Variants in GFOD1 observed in about 807,000 individuals in gnomAD.
GFOD1 encodes Gfo/Idh/MocA-like oxidoreductase domain containing 1, also known as glucose-fructose oxidoreductase domain-containing protein 1.
A neutral mutation model predicts 25.4 loss-of-function variants in GFOD1; 9 were observed. The observed-to-expected ratio is 0.35, with a 90% CI of 0.21 to 0.62. The LOEUF (loss-of-function observed/expected upper bound fraction) is 0.62. Among genes scored for constraint, GFOD1 ranks in the 20% least tolerant of loss-of-function variants. GFOD1 has a pLI of 0.72. For synonymous variants in GFOD1, 253 were observed against 245.6 expected (o/e 1.03, Z -0.28); for missense variants, 403 against 556.9 (o/e 0.72, Z 2.78).
rs76480244 is a variant in GFOD1, at chr6:13,360,081, T to C, written c.*4662A>G. On this transcript the variant is annotated 3_prime_UTR_variant, in exon 2 of 2. Coordinates refer to ENST00000379287, the MANE Select transcript of GFOD1 (RefSeq NM_018988.4). ...AGTCACTTCATCTCTCTGAGCCTCC[T>C]TTCCCTAGAGCTCTGGAGGTGCTAT... 1,003 of 152,880 alleles carry C rather than the reference T, an allele frequency of 6.6e-3. 11 individuals are homozygous for C. Among genetic ancestry groups the C allele is most frequent in the East Asian group, 0.028 (143 of 5,194 alleles). 9.5% of individuals were successfully genotyped at this position (152,880 alleles called of 1,614,324 possible). A position where few individuals can be genotyped will look rare whatever the true frequency, so the allele number is the denominator to read the frequency against.
At position 13,361,084 on chromosome 6, in the gene GFOD1, T is replaced by G. The variant is rs989268859; in HGVS notation, c.*3659A>C. 4 of 350,976 alleles carry G rather than the reference T, an allele frequency of 1.1e-5. No homozygotes were observed. The highest frequency in any genetic ancestry group is 2.1e-5 in the African/African-American group (1 of 46,612). 21.7% of individuals were successfully genotyped at this position (350,976 alleles called of 1,614,324 possible). Reference sequence around the variant, plus strand: ...CATACTTAAAATACTCTGCACACAGTGGACAAGTCTTGGAGTTGGCCAGTC... The same window carrying G: ...CATACTTAAAATACTCTGCACACAGGGGACAAGTCTTGGAGTTGGCCAGTC... On this transcript the variant is annotated 3_prime_UTR_variant, in exon 2 of 2. Coordinates refer to ENST00000379287, the MANE Select transcript of GFOD1 (RefSeq NM_018988.4).
Position 13,361,048 on chromosome 6 carries a change from G to A in GFOD1, c.*3695C>T. On this transcript the variant is annotated 3_prime_UTR_variant, in exon 2 of 2. Transcript: ENST00000379287. Reference sequence around the variant, plus strand: ...CACTATAGGGTTGTTTTTATGGATTGTATGAGATAACATACTTAAAATACT... The same window carrying A: ...CACTATAGGGTTGTTTTTATGGATTATATGAGATAACATACTTAAAATACT... 1 of 358,824 alleles carries A rather than the reference G, an allele frequency of 2.8e-6. No individual in the cohort carries two copies. Among genetic ancestry groups the A allele is most frequent in the South Asian group, 2.1e-5 (1 of 48,458 alleles). 22.2% of individuals were successfully genotyped at this position (358,824 alleles called of 1,614,324 possible).
rs1000763031 is a variant in GFOD1, at chr6:13,360,129, A to C, written c.*4614T>G. 1 of 154,812 alleles carries C rather than the reference A, an allele frequency of 6.5e-6. No homozygotes were observed. The highest frequency in any genetic ancestry group is 6.3e-5 in the Admixed American group (1 of 15,752). The allele number at this position is 154,812 out of a possible 1,614,324, so 9.6% of individuals were successfully genotyped here. A position where few individuals can be genotyped will look rare whatever the true frequency, so the allele number is the denominator to read the frequency against. On this transcript the variant is annotated 3_prime_UTR_variant, in exon 2 of 2. Transcript: ENST00000379287. Reference sequence around the variant, plus strand: ...TATGTGAGGCAGCATGAGACTTAAGAGGCAGAAAACCTGACTTTTTGTCCT... The same window carrying C: ...TATGTGAGGCAGCATGAGACTTAAGCGGCAGAAAACCTGACTTTTTGTCCT...
At position 13,399,861 on chromosome 6, in the gene GFOD1, T is replaced by C. The variant is rs142764339; in HGVS notation, c.254-34199A>G. 3.3e-5 allele frequency among the ~76,000 whole-genome samples: 5 copies of C among 152,342 alleles called. No individual in the cohort carries two copies. In the East Asian group the frequency reaches 9.6e-4, roughly 29 times the overall value. ...ACATTTACCAAAACTCACAAAGCTA[T>C]ACATTTAAAATAGGTACATTTTATT... On this transcript the variant is annotated intron_variant, in intron 1 of 1. Transcript: ENST00000379287.
At chr6:13,368,603 C>T (rs955163936) in intron 1 of GFOD1, among the ~76,000 whole-genome samples, 2 of 152,180 alleles carry the variant, frequency 1.3e-5, no homozygotes, top group African/African-American at 4.8e-5. Flanking sequence ...GCCTCTACTA[C>T]ACCCTATTTC....
chr6:13,475,590 T>G (rs1205929244), intron 1 of GFOD1, among the ~76,000 whole-genome samples: 1 of 150,234 alleles, frequency 6.7e-6, no homozygotes, highest in South Asian at 2.1e-4. Context: ...TGGTGACGGA[T>G]GCCTGTAATC....
chr6:13,373,090 C>T (rs1307775361), intron 1 of GFOD1, among the ~76,000 whole-genome samples: 1 of 152,178 alleles, frequency 6.6e-6, no homozygotes, highest in Non-Finnish European at 1.5e-5. Flanking sequence ...CATTTCTGTG[C>T]TAGGCACTGG....
intron 1 of GFOD1, among the ~76,000 whole-genome samples, chr6:13,372,219 G>C (rs1052791931): frequency 6.6e-6 from 1 of 152,238 alleles, no homozygotes; most frequent in Non-Finnish European, 1.5e-5. Context: ...TGACGGGTTA[G>C]AGTGCTATGT....
Position 13,361,075 on chromosome 6 carries a change from T to C in GFOD1, c.*3668A>G, listed in dbSNP as rs1373545859. The stretch of plus-strand genomic sequence containing the variant: ...ATGAGATAACATACTTAAAATACTC[T>C]GCACACAGTGGACAAGTCTTGGAGT... On this transcript the variant is annotated 3_prime_UTR_variant, in exon 2 of 2. Transcript: ENST00000379287. 27 of 353,196 alleles carry C rather than the reference T, an allele frequency of 7.6e-5. No homozygotes were observed. The highest frequency in any genetic ancestry group is 1.3e-4 in the Non-Finnish European group (23 of 178,270). The allele number at this position is 353,196 out of a possible 1,614,324, so 21.9% of individuals were successfully genotyped here. A position where few individuals can be genotyped will look rare whatever the true frequency, so the allele number is the denominator to read the frequency against.
intron 1 of GFOD1, among the ~76,000 whole-genome samples, chr6:13,413,204 C>T (rs1278177430): frequency 1.3e-5 from 2 of 152,200 alleles, no homozygotes; most frequent in African/African-American, 4.8e-5. Context: ...GCCCACAGGG[C>T]CTTGACCCTT....
intron 1 of GFOD1, among the ~76,000 whole-genome samples, chr6:13,475,745 A>T (rs1194706313): frequency 2.1e-5 from 3 of 142,386 alleles, no homozygotes; most frequent in African/African-American, 8.2e-5. Context: ...AATAATAATA[A>T]TAATAATAAT....
At chr6:13,436,826 C>T (rs1277904721) in intron 1 of GFOD1, among the ~76,000 whole-genome samples, 3 of 152,180 alleles carry the variant, frequency 2.0e-5, no homozygotes, top group Admixed American at 2.0e-4. Flanking sequence ...TCGGATTACT[C>T]CTATAAAAGG....
intron 1 of GFOD1, among the ~76,000 whole-genome samples, chr6:13,482,657 A>T (rs1230443240): frequency 6.6e-6 from 1 of 152,168 alleles, no homozygotes; most frequent in East Asian, 1.9e-4. Context: ...CTGAAGCAGG[A>T]GAATCACTTG....
At chr6:13,452,001 G>A (rs58453010) in intron 1 of GFOD1, among the ~76,000 whole-genome samples, 9,830 of 152,202 alleles carry the variant, frequency 0.065, 1,038 homozygotes, top group African/African-American at 0.22. Context: ...TAGGTTTGGC[G>A]GGTAGTAGCT....
At chr6:13,370,458 C>G (rs540160043) in intron 1 of GFOD1, among the ~76,000 whole-genome samples, 1 of 152,008 alleles carries the variant, frequency 6.6e-6, no homozygotes, top group South Asian at 2.1e-4. Context: ...GAACCCAAAA[C>G]GCAGAGCCAG....
chr6:13,374,836 G>A (rs1180464062), intron 1 of GFOD1, among the ~76,000 whole-genome samples: 3 of 140,488 alleles, frequency 2.1e-5, no homozygotes, highest in East Asian at 2.4e-4. Context: ...TCTGCCTCCC[G>A]GGCTCAAGCA....
chr6:13,476,236 C>A (rs889455210), intron 1 of GFOD1, among the ~76,000 whole-genome samples: 4 of 152,158 alleles, frequency 2.6e-5, no homozygotes, highest in African/African-American at 9.7e-5. Flanking sequence ...GCGGTATATC[C>A]ACACAATGGA....
chr6:13,407,854 C>T (rs72826935), intron 1 of GFOD1: 19 of 494,534 alleles, frequency 3.8e-5, no homozygotes, highest in East Asian at 1.5e-4. Context: ...TTAATGTAGA[C>T]GGTGATGAAA....
chr6:13,427,204 A>G (rs1243058737), intron 1 of GFOD1, among the ~76,000 whole-genome samples: 1 of 152,202 alleles, frequency 6.6e-6, no homozygotes, highest in Non-Finnish European at 1.5e-5. Flanking sequence ...ACTGAAGGCC[A>G]TGCATAACTT....
Sources: allele counts gnomAD v4.1 joint callset (sites outside exome capture counted in the v4.1 genomes callset), GRCh38; gene constraint gnomAD v4.1.1; transcripts MANE v1.5; gene names NCBI Gene and HGNC (gene_info 2026-07-23, HGNC 2026-07-21).